The following KLF8 variants were observed in gnomAD, a reference collection of about 807,000 sequenced individuals.
KLF8 encodes KLF transcription factor 8.
A neutral mutation model predicts 18.2 loss-of-function variants in KLF8; 10 were observed. The ratio of observed to expected loss-of-function variants is 0.55; its 90% confidence interval spans 0.34 to 0.93. The LOEUF is 0.93. Ranked by LOEUF, KLF8 falls within the 40% of genes least tolerant of loss-of-function variation. The pLI is 0.02. For synonymous variants in KLF8, 109 were observed against 97.3 expected (o/e 1.12, Z -0.71); for missense variants, 264 against 277.9 (o/e 0.95, Z 0.36).
At chrX:56,215,930 C>G in the KLF8 span, among the ~76,000 whole-genome samples, 1 of 104,553 alleles carries the variant, frequency 9.6e-6, no homozygotes, top group South Asian at 4.6e-4. Context: ...TATAAGGCAC[C>G]TTAAACTCAA....
the KLF8 span, among the ~76,000 whole-genome samples, chrX:56,093,029 A>G: frequency 2.7e-5 from 3 of 109,214 alleles, no homozygotes; most frequent in African/African-American, 1.0e-4. Flanking sequence ...AAAAAAAAAC[A>G]GAACAGAATA....
At chrX:56,002,954 G>A in the KLF8 span, among the ~76,000 whole-genome samples, 2 of 112,383 alleles carry the variant, frequency 1.8e-5, no homozygotes, top group African/African-American at 3.2e-5. Context: ...ATGAGTGAAG[G>A]GGATAGTGAT....
the KLF8 span, among the ~76,000 whole-genome samples, chrX:56,214,139 C>A: frequency 9.1e-6 from 1 of 109,915 alleles, no homozygotes; most frequent in African/African-American, 3.3e-5. Flanking sequence ...TGCTCTTTGC[C>A]AGTGAAGCCT....
the KLF8 span, among the ~76,000 whole-genome samples, chrX:56,004,525 A>G: frequency 8.9e-6 from 1 of 112,027 alleles, no homozygotes; most frequent in African/African-American, 3.2e-5. Flanking sequence ...ACTTTATATG[A>G]GTATCTATAG....
At chrX:56,264,367 T>C (rs1490751215) in intron 2 of KLF8, among the ~76,000 whole-genome samples, 4 of 107,242 alleles carry the variant, frequency 3.7e-5, no homozygotes, top group African/African-American at 1.4e-4. Flanking sequence ...TTTAAACTAA[T>C]AAATGTATTT....
the KLF8 span, among the ~76,000 whole-genome samples, chrX:56,191,450 C>G: frequency 1.8e-5 from 2 of 111,846 alleles, no homozygotes. Flanking sequence ...TACTTCCAAA[C>G]TTATTCCATG....
At chrX:56,267,755 A>G (rs1370079597) in intron 3 of KLF8, 1 of 112,048 alleles carries the variant, frequency 8.9e-6, no homozygotes, top group Non-Finnish European at 1.9e-5. Flanking sequence ...GAATGGTTAA[A>G]TCTAGCTAAA....
the KLF8 span, among the ~76,000 whole-genome samples, chrX:56,053,557 T>TG: frequency 9.4e-6 from 1 of 105,923 alleles, no homozygotes; most frequent in African/African-American, 3.4e-5. Flanking sequence ...TTTTTTTTTT[T>TG]GGGGAATAGT....
the KLF8 span, among the ~76,000 whole-genome samples, chrX:56,148,028 T>C: frequency 4.7e-4 from 53 of 112,179 alleles, no homozygotes; most frequent in Middle Eastern, 9.2e-3. Flanking sequence ...ATTTTGGATG[T>C]ACTAAATGTC....
the KLF8 span, among the ~76,000 whole-genome samples, chrX:56,021,043 A>T: frequency 8.9e-6 from 1 of 112,582 alleles, no homozygotes; most frequent in East Asian, 2.8e-4. Flanking sequence ...ATGAAAGAGT[A>T]CAGAAATTAT....
At chrX:56,272,217 A>ATT (rs766612386) in intron 5 of KLF8, among the ~76,000 whole-genome samples, 4 of 104,643 alleles carry the variant, frequency 3.8e-5, no homozygotes, top group Non-Finnish European at 5.9e-5. Flanking sequence ...ATCTCACTAC[A>ATT]TTTTTTTTTT....
At chrX:56,208,374 T>A in the KLF8 span, among the ~76,000 whole-genome samples, 2 of 112,125 alleles carry the variant, frequency 1.8e-5, no homozygotes, top group Non-Finnish European at 3.8e-5. Context: ...TATTTCTTTT[T>A]TTCCTCATCT....
chrX:56,067,980 G>A, the KLF8 span, among the ~76,000 whole-genome samples: 1 of 112,086 alleles, frequency 8.9e-6, no homozygotes, highest in Admixed American at 9.4e-5. Flanking sequence ...CTTGAATTCG[G>A]CCAGCTATTT....
At chrX:56,093,934 TG>T in the KLF8 span, among the ~76,000 whole-genome samples, 2 of 102,953 alleles carry the variant, frequency 1.9e-5, no homozygotes, top group Non-Finnish European at 3.9e-5. Context: ...TGTGTGTGTG[TG>T]TGTGTGTGTG....
the KLF8 span, among the ~76,000 whole-genome samples, chrX:56,015,892 A>G: frequency 0.22 from 24,318 of 111,317 alleles, 5,452 homozygotes; most frequent in African/African-American, 0.69. Flanking sequence ...ACAGTGGACA[A>G]TTTTGTCTTC....
chrX:55,968,864 T>A, the KLF8 span, among the ~76,000 whole-genome samples: 2 of 111,774 alleles, frequency 1.8e-5, no homozygotes, highest in Non-Finnish European at 3.8e-5. Context: ...ATACAGAAGG[T>A]CATTATGTAA....
At chrX:55,947,388 G>C in the KLF8 span, among the ~76,000 whole-genome samples, 7 of 105,826 alleles carry the variant, frequency 6.6e-5, no homozygotes, top group African/African-American at 2.1e-4. Flanking sequence ...ATCTCAAGAA[G>C]AAAAAACCAA....
the KLF8 span, among the ~76,000 whole-genome samples, chrX:55,948,220 C>G: frequency 8.9e-6 from 1 of 112,288 alleles, no homozygotes; most frequent in Non-Finnish European, 1.9e-5. Flanking sequence ...GACAAGTCAG[C>G]AAAGTTTTTC....
At chrX:55,916,222 A>G in the KLF8 span, among the ~76,000 whole-genome samples, 1 of 112,187 alleles carries the variant, frequency 8.9e-6, no homozygotes, top group Non-Finnish European at 1.9e-5. Context: ...CACTATGTAC[A>G]GAGCAGATAT....
Sources: allele counts gnomAD v4.1 joint callset (sites outside exome capture counted in the v4.1 genomes callset), GRCh38; gene constraint gnomAD v4.1.1; transcripts MANE v1.5; gene names NCBI Gene and HGNC (gene_info 2026-07-23, HGNC 2026-07-21).